UBAP2: variants seen among roughly 807,000 people sequenced by gnomAD.
UBAP2 encodes the protein ubiquitin associated protein 2, also known as ubiquitin-associated protein 2.
A neutral mutation model predicts 139.6 loss-of-function variants in UBAP2; 75 were observed. That is an observed-to-expected ratio of 0.54 (90% CI 0.45 to 0.65). UBAP2 has a LOEUF of 0.65. Among genes scored for constraint, UBAP2 ranks in the 30% least tolerant of loss-of-function variants. The probability of loss-of-function intolerance (pLI) is 0.00; values close to 1 mark genes in which losing one functional copy is unlikely to be tolerated. For synonymous variants in UBAP2, 526 were observed against 526.2 expected (o/e 1.00, Z 0.01); for missense variants, 1,368 against 1,369.6 (o/e 1.00, Z 0.02).
At chr9:33,971,034 C>T (rs993220991) in intron 8 of UBAP2, among the ~76,000 whole-genome samples, 2 of 152,162 alleles carry the variant, frequency 1.3e-5, no homozygotes, top group African/African-American at 2.4e-5. Flanking sequence ...AACTCCTGAC[C>T]TCAAGTGATC....
At chr9:34,013,876 CA>C (rs931938771) in intron 2 of UBAP2, among the ~76,000 whole-genome samples, 73 of 134,694 alleles carry the variant, frequency 5.4e-4, no homozygotes, top group African/African-American at 5.5e-4. Flanking sequence ...GGCTCCATCT[CA>C]AAAAAAAAAA....
At chr9:33,956,004 G>T in intron 11 of UBAP2, 75 bp downstream of exon 11, 2 of 1,210,848 alleles carry the variant, frequency 1.7e-6, no homozygotes, top group South Asian at 2.8e-5. Flanking sequence ...ACCCAAAAAT[G>T]AAAATACTTT....
At chr9:34,000,939 C>T (rs1822647315) in intron 2 of UBAP2, among the ~76,000 whole-genome samples, 1 of 152,206 alleles carries the variant, frequency 6.6e-6, no homozygotes, top group African/African-American at 2.4e-5. Flanking sequence ...TCTACCCTTA[C>T]TGAAAATCTT....
intron 2 of UBAP2, among the ~76,000 whole-genome samples, chr9:34,004,567 G>A (rs1239997794): frequency 1.3e-5 from 2 of 150,832 alleles, no homozygotes; most frequent in African/African-American, 2.4e-5. Context: ...TGGATCACGA[G>A]GTCAGGAGAT....
chr9:34,039,934 G>A (rs902155779), intron 1 of UBAP2, among the ~76,000 whole-genome samples: 8 of 151,252 alleles, frequency 5.3e-5, no homozygotes, highest in Non-Finnish European at 1.0e-4. Context: ...CGAGGCGGGC[G>A]ATCACCTGAG....
At chr9:33,926,876 G>C in intron 21 of UBAP2, 113 bp downstream of exon 21, 1 of 1,116,926 alleles carries the variant, frequency 9.0e-7, no homozygotes. Flanking sequence ...GGTGCTCAGG[G>C]ATGGAAGGGC....
At chr9:34,038,072 G>A (rs1292136854) in intron 1 of UBAP2, among the ~76,000 whole-genome samples, 2 of 149,848 alleles carry the variant, frequency 1.3e-5, no homozygotes. Context: ...AAGAGGCTAA[G>A]GTGGATCATC....
chr9:33,956,525 T>C (rs996209341), intron 10 of UBAP2, among the ~76,000 whole-genome samples: 9 of 151,982 alleles, frequency 5.9e-5, no homozygotes, highest in African/African-American at 1.9e-4. Context: ...AACAGGGTTT[T>C]GCCATGTTGC....
chr9:33,996,449 T>C (rs1822208600), intron 3 of UBAP2, 116 bp from the exon 4 acceptor site: 3 of 697,210 alleles, frequency 4.3e-6, no homozygotes, highest in African/African-American at 1.8e-5. Flanking sequence ...TGGCCTCTTC[T>C]AGACTCTTGA....
chr9:34,044,865 GTAAA>G (rs557874597), intron 1 of UBAP2, among the ~76,000 whole-genome samples: 1 of 151,722 alleles, frequency 6.6e-6, no homozygotes, highest in Non-Finnish European at 1.5e-5. Context: ...GACTCCATCT[GTAAA>G]TAAATAAATA....
intron 2 of UBAP2, 27 bp from the exon 3 acceptor site, chr9:33,998,891 A>C: frequency 6.3e-7 from 1 of 1,591,500 alleles, no homozygotes; most frequent in Non-Finnish European, 8.6e-7. Context: ...ATTGTTAAGG[A>C]TTTGAACACC....
At chr9:33,986,412 T>C (rs901278158) in intron 6 of UBAP2, among the ~76,000 whole-genome samples, 4 of 152,148 alleles carry the variant, frequency 2.6e-5, no homozygotes, top group South Asian at 2.1e-4. Context: ...CAAATGATCA[T>C]AGCCTTTTTT....
At chr9:34,031,027 C>T (rs1431849131) in intron 1 of UBAP2, among the ~76,000 whole-genome samples, 1 of 152,148 alleles carries the variant, frequency 6.6e-6, no homozygotes, top group Non-Finnish European at 1.5e-5. Flanking sequence ...GGCGGATCAC[C>T]TGAGGTCAGG....
At chr9:34,007,853 A>G (rs1406196984) in intron 2 of UBAP2, among the ~76,000 whole-genome samples, 1 of 151,890 alleles carries the variant, frequency 6.6e-6, no homozygotes, top group African/African-American at 2.4e-5. Flanking sequence ...TTGTTAGCCA[A>G]GATGGTCTCT....
intron 1 of UBAP2, among the ~76,000 whole-genome samples, chr9:34,032,576 A>G (rs976542519): frequency 6.6e-6 from 1 of 152,124 alleles, no homozygotes; most frequent in African/African-American, 2.4e-5. Flanking sequence ...CAATAAAACA[A>G]TTTTTCTTCT....
At chr9:33,947,310 T>C (rs1289283366) in intron 13 of UBAP2, among the ~76,000 whole-genome samples, 1 of 152,114 alleles carries the variant, frequency 6.6e-6, no homozygotes, top group African/African-American at 2.4e-5. Context: ...AGCTCCACAA[T>C]GAATGAAATC....
chr9:33,931,505 G>A (rs187682674), intron 19 of UBAP2, among the ~76,000 whole-genome samples: 2 of 152,292 alleles, frequency 1.3e-5, no homozygotes, highest in East Asian at 3.9e-4. Context: ...CAGCTCCACG[G>A]CACTCCTGCT....
chr9:33,973,114 A>G (rs1170924320), intron 7 of UBAP2, 69 bp downstream of exon 7: 4 of 1,383,834 alleles, frequency 2.9e-6, no homozygotes, highest in Non-Finnish European at 4.1e-6. Flanking sequence ...GATGTAGGGT[A>G]TTAGAAGCAA....
rs144480091 is a variant in UBAP2 at position 33,932,578 on chromosome 9, G to A, written c.2159C>T (p.Ser720Leu). The A allele has an allele frequency of 6.8e-6, 11 of 1,613,912 alleles. No individual in the cohort carries two copies. The highest frequency in any genetic ancestry group is 2.2e-5 in the East Asian group (1 of 44,892). ...SSLSAHAALS[S>L]STSHTHASVE... ...GACACTTACTGTGTGTGACGTGCTC[G>A]AGGAGAGGGCTGCATGTGCAGAGAG... Residue 720 changes from serine to leucine, a missense_variant, in exon 19 of 29, where the codon TCG becomes TTG. Ser to Leu is a moderately radical substitution (Grantham distance 145). Coordinates refer to ENST00000379238, the MANE Select transcript of UBAP2 (RefSeq NM_001370062.2).
Sources: allele counts gnomAD v4.1 joint callset (sites outside exome capture counted in the v4.1 genomes callset), GRCh38; gene constraint gnomAD v4.1.1; transcripts MANE v1.5; gene names NCBI Gene and HGNC (gene_info 2026-07-23, HGNC 2026-07-21).